The following NCKAP5 variants were observed in gnomAD, a reference collection of about 807,000 sequenced individuals.
NCKAP5 encodes nck-associated protein 5.
NCKAP5 carries 92 observed loss-of-function variants against 167.0 expected under a neutral mutation model. The ratio of observed to expected loss-of-function variants is 0.55; its 90% CI spans 0.47 to 0.66. The LOEUF (loss-of-function observed/expected upper bound fraction) is 0.66, where lower values mean the gene tolerates loss of function less well. NCKAP5 is among the 30% of genes least tolerant of loss of function. NCKAP5 has a pLI of 0.00. For synonymous variants in NCKAP5, 891 were observed against 877.4 expected (o/e 1.02, Z -0.27); for missense variants, 2,378 against 2,315.0 (o/e 1.03, Z -0.56).
intron 3 of NCKAP5, among the ~76,000 whole-genome samples, chr2:133,496,986 T>G (rs1682008158): frequency 6.6e-6 from 1 of 152,200 alleles, no homozygotes. Flanking sequence ...ATATTTCCAG[T>G]TATCAGGAGA....
rs181206920 is a variant in NCKAP5, at chr2:132,837,083, T to C, written c.807+23409A>G. Among the ~76,000 whole-genome samples the C allele has an allele frequency of 1.6e-3, 248 of 152,342 alleles. 2 individuals carry two copies. Among genetic ancestry groups the C allele is most frequent in the African/African-American group, 4.8e-3 (198 of 41,574 alleles). ...TGAGCATTTCATTCCACTGTGATCGTGACAGTGATGCTACTGAGAAATCAG... is the reference window on the plus strand; with the variant it reads ...TGAGCATTTCATTCCACTGTGATCGCGACAGTGATGCTACTGAGAAATCAG... On this transcript the variant is annotated intron_variant, in intron 11 of 19. Coordinates refer to ENST00000409261, the MANE Select transcript of NCKAP5 (RefSeq NM_207363.3).
chr2:132,783,646 C>A lies in NCKAP5; in HGVS notation c.3165G>T (p.Gly1055=). Residue 1055 remains glycine, a synonymous_variant, in exon 14 of 20, where the codon GGG becomes GGT. Transcript: ENST00000409261. ...VPKTSPRQTL[G]TPQRDIGLQT... ...GTAATCCTATGTCCCTTTGTGGGGT[C>A]CCAAGTGTTTGGCGAGGAGAGGTTT... 1.2e-6 allele frequency: 2 copies of A among 1,613,826 alleles called. No individual in the cohort carries two copies. The highest frequency in any genetic ancestry group is 8.5e-7 in the Non-Finnish European group (1 of 1,179,880).
chr2:133,125,807 G>A (rs1411546237), intron 6 of NCKAP5, among the ~76,000 whole-genome samples: 3 of 152,148 alleles, frequency 2.0e-5, no homozygotes, highest in Admixed American at 1.3e-4. Context: ...AATTTCTGAT[G>A]TATGAGCTTA....
chr2:132,760,773 A>G (rs1188811787), intron 16 of NCKAP5, among the ~76,000 whole-genome samples: 1 of 152,188 alleles, frequency 6.6e-6, no homozygotes, highest in Non-Finnish European at 1.5e-5. Flanking sequence ...TTAACTTTTC[A>G]TTATGGAAAA....
chr2:133,081,931 T>C (rs186036152), intron 6 of NCKAP5, among the ~76,000 whole-genome samples: 9 of 152,290 alleles, frequency 5.9e-5, no homozygotes, highest in Non-Finnish European at 1.0e-4. Flanking sequence ...AGGTATTTTA[T>C]ATAGATAAAC....
intron 6 of NCKAP5, among the ~76,000 whole-genome samples, chr2:133,115,680 ATC>A: frequency 6.6e-6 from 1 of 150,376 alleles, no homozygotes; most frequent in Admixed American, 6.6e-5. Context: ...TTCCAAATAC[ATC>A]TCTTTCTGTA....
At chr2:133,381,853 G>A (rs1401759951) in intron 3 of NCKAP5, among the ~76,000 whole-genome samples, 1 of 152,162 alleles carries the variant, frequency 6.6e-6, no homozygotes, top group Non-Finnish European at 1.5e-5. Context: ...CTCATGTAGT[G>A]GCGGACCATG....
chr2:132,848,428 T>C (rs531975047), intron 11 of NCKAP5, among the ~76,000 whole-genome samples: 1 of 152,214 alleles, frequency 6.6e-6, no homozygotes, highest in Non-Finnish European at 1.5e-5. Context: ...TTTACGTTAA[T>C]TCAAGGATCT....
chr2:132,959,257 G>A (rs1367680476), intron 8 of NCKAP5, among the ~76,000 whole-genome samples: 4 of 151,912 alleles, frequency 2.6e-5, no homozygotes, highest in African/African-American at 7.3e-5. Flanking sequence ...TTCATGGAAA[G>A]GTATAATTGA....
intron 3 of NCKAP5, among the ~76,000 whole-genome samples, chr2:133,377,263 G>A (rs1188084139): frequency 6.6e-6 from 1 of 152,122 alleles, no homozygotes; most frequent in Non-Finnish European, 1.5e-5. Context: ...ATCCCAAACT[G>A]TATAACTATT....
intron 3 of NCKAP5, among the ~76,000 whole-genome samples, chr2:133,418,016 G>T (rs752450365): frequency 7.9e-5 from 12 of 152,206 alleles, no homozygotes; most frequent in Non-Finnish European, 1.8e-4. Flanking sequence ...CAGTCAAGAG[G>T]TTTGAAGGCA....
chr2:133,475,549 G>C (rs1010059873), intron 3 of NCKAP5, among the ~76,000 whole-genome samples: 12 of 152,126 alleles, frequency 7.9e-5, no homozygotes, highest in Admixed American at 5.9e-4. Context: ...ATGGAAGAAA[G>C]ATCGAATAAA....
chr2:132,727,873 C>T (rs748602548), intron 18 of NCKAP5, among the ~76,000 whole-genome samples: 3 of 152,194 alleles, frequency 2.0e-5, no homozygotes, highest in Non-Finnish European at 4.4e-5. Context: ...GAGGCAGATG[C>T]TCAAGGTTGA....
chr2:132,688,024 C>T (rs149020498), intron 19 of NCKAP5, among the ~76,000 whole-genome samples: 10 of 152,210 alleles, frequency 6.6e-5, no homozygotes, highest in East Asian at 1.9e-4. Context: ...CAACTCTGAA[C>T]GACTACAAAA....
At position 133,517,459 on chromosome 2, in the gene NCKAP5, A is replaced by G; in HGVS notation, c.68T>C (p.Val23Ala). The G allele has an allele frequency of 1.3e-6, 2 of 1,502,408 alleles. No homozygotes were observed. Among genetic ancestry groups the G allele is most frequent in the South Asian group, 1.3e-5 (1 of 76,638 alleles). The allele number at this position is 1,502,408 out of a possible 1,614,324, so 93.1% of individuals were successfully genotyped here. A position where few individuals can be genotyped will look rare whatever the true frequency, so the allele number is the denominator to read the frequency against. ...GGTAAATGAATATTTAGTACTTACC[A>G]CAAGACTGCTGTCTAGAGACAGCCT... ...GKRLSLDSSLVEYMDSNKYIE... is the reference protein window; with the variant it reads ...GKRLSLDSSLAEYMDSNKYIE... Residue 23 changes from valine to alanine, a missense_variant and splice_region_variant, in exon 3 of 20, where the codon GTG becomes GCG. Val to Ala is a moderately conservative substitution (Grantham distance 64, BLOSUM62 0). Transcript: ENST00000409261.
chr2:132,697,401 A>G (rs1345531919), intron 19 of NCKAP5, among the ~76,000 whole-genome samples: 1 of 152,234 alleles, frequency 6.6e-6, no homozygotes, highest in African/African-American at 2.4e-5. Flanking sequence ...CATCTTTGTC[A>G]TTCTTCACTA....
chr2:132,925,973 T>G (rs1322340642), intron 8 of NCKAP5, among the ~76,000 whole-genome samples: 1 of 152,200 alleles, frequency 6.6e-6, no homozygotes, highest in African/African-American at 2.4e-5. Context: ...ACTTTCAGTG[T>G]AGCCATCACC....
In NCKAP5 at chr2:132,883,364, C is replaced by T. The variant is rs549640039; in HGVS notation, c.580-4448G>A. Among the ~76,000 whole-genome samples the T allele has an allele frequency of 9.2e-5, 14 of 152,250 alleles. No homozygotes were observed. In the East Asian group the frequency reaches 2.3e-3, roughly 25 times the overall value. ...CTACTTTGCCAGGGTATATCATTTTCACACAGGCTTCTTCCACCTTTGCCC... is the reference window on the plus strand; with the variant it reads ...CTACTTTGCCAGGGTATATCATTTTTACACAGGCTTCTTCCACCTTTGCCC... On this transcript the variant is annotated intron_variant, in intron 8 of 19. Transcript: ENST00000409261.
At chr2:132,997,336 T>A (rs1163361471) in intron 6 of NCKAP5, among the ~76,000 whole-genome samples, 13 of 152,164 alleles carry the variant, frequency 8.5e-5, no homozygotes, top group Admixed American at 8.5e-4. Context: ...AAAAATGATT[T>A]GTGACCACAC....
Sources: gnomAD v4.1 joint callset for allele counts (sites outside exome capture counted in the v4.1 genomes callset) on GRCh38, gnomAD v4.1.1 for gene constraint, MANE v1.5 for transcripts, NCBI Gene and HGNC (gene_info 2026-07-23, HGNC 2026-07-21) for gene names.